PLEKHD1: variants seen among roughly 807,000 people sequenced by gnomAD.
PLEKHD1 encodes the protein pleckstrin homology domain-containing family D member 1.
Under a neutral mutation model 69.2 loss-of-function variants are expected in PLEKHD1, and 51 were observed. The observed-to-expected ratio is 0.74, with a 90% CI of 0.59 to 0.93. The LOEUF (loss-of-function observed/expected upper bound fraction) is 0.93. Ranked by LOEUF, PLEKHD1 falls within the 40% of genes least tolerant of loss-of-function variation. The pLI is 0.00. For synonymous variants in PLEKHD1, 236 were observed against 244.7 expected (o/e 0.96, Z 0.33); for missense variants, 584 against 641.0 (o/e 0.91, Z 0.96).
At chr14:69,488,890 T>C (rs1882711026) in intron 1 of PLEKHD1, among the ~76,000 whole-genome samples, 1 of 152,214 alleles carries the variant, frequency 6.6e-6, no homozygotes, top group Non-Finnish European at 1.5e-5. Flanking sequence ...TCTCCTCAGA[T>C]TCCTCTACCC....
intron 6 of PLEKHD1, among the ~76,000 whole-genome samples, chr14:69,518,959 G>C (rs536426165): frequency 1.3e-5 from 2 of 152,078 alleles, no homozygotes; most frequent in South Asian, 4.2e-4. Context: ...CTCTTATTTT[G>C]GTGACAGGGA....
chr14:69,492,735 A>G (rs1371528026), intron 1 of PLEKHD1, among the ~76,000 whole-genome samples: 1 of 152,188 alleles, frequency 6.6e-6, no homozygotes, highest in Non-Finnish European at 1.5e-5. Context: ...CCTAGCACAA[A>G]GGAGGAGCTT....
chr14:69,470,893 G>C, the PLEKHD1 span, among the ~76,000 whole-genome samples: 1 of 151,554 alleles, frequency 6.6e-6, no homozygotes, highest in African/African-American at 2.4e-5. Flanking sequence ...CCAGGTTCAC[G>C]CCATTCTCCT....
At chr14:69,485,185 C>A in intron 1 of PLEKHD1, 71 bp downstream of exon 1, 1 of 1,477,146 alleles carries the variant, frequency 6.8e-7, no homozygotes, top group Non-Finnish European at 9.1e-7. Context: ...CTCCCACCCC[C>A]TCCAGTCGCC....
intron 7 of PLEKHD1, among the ~76,000 whole-genome samples, chr14:69,522,964 C>T (rs539216179): frequency 5.3e-5 from 8 of 152,038 alleles, no homozygotes; most frequent in Non-Finnish European, 1.0e-4. Flanking sequence ...GACAGAGTCT[C>T]ACTCTGTCAC....
intron 1 of PLEKHD1, among the ~76,000 whole-genome samples, chr14:69,489,701 G>A (rs990099659): frequency 2.6e-5 from 4 of 152,018 alleles, no homozygotes; most frequent in African/African-American, 9.7e-5. Flanking sequence ...GGCCAGCAGT[G>A]TCTCATCTAT....
At chr14:69,489,558 CAAA>C (rs1166429791) in intron 1 of PLEKHD1, among the ~76,000 whole-genome samples, 10 of 59,896 alleles carry the variant, frequency 1.7e-4, no homozygotes, top group African/African-American at 4.3e-4. Context: ...TACTCCATCT[CAAA>C]AAAAAAAAAA....
chr14:69,498,057 A>ATTTTATTTTAT (rs1555337189), intron 1 of PLEKHD1, among the ~76,000 whole-genome samples: 90 of 124,694 alleles, frequency 7.2e-4, no homozygotes, highest in East Asian at 1.8e-3. Flanking sequence ...ATTTTATTTT[A>ATTTTATTTTAT]TTTATTTTAT....
chr14:69,500,611 C>T lies in PLEKHD1; in HGVS notation c.278C>T (p.Pro93Leu), dbSNP rs770956661. ...CCTCTGGGGGGCTGCCTGGTGGAGC[C>T]CAAGGAAGAGCCTAGCATGCCCTAT... ...VIPLGGCLVEPKEEPSMPYAM... is the reference protein window; with the variant it reads ...VIPLGGCLVELKEEPSMPYAM... Residue 93 changes from proline (P) to leucine (L), a missense_variant, in exon 3 of 13, where the codon CCC becomes CTC. Coordinates refer to ENST00000322564, the MANE Select transcript of PLEKHD1 (RefSeq NM_001161498.2). 6.4e-7 allele frequency: 1 copy of T among 1,551,294 alleles called. No individual in the cohort carries two copies. Among genetic ancestry groups the T allele is most frequent in the Non-Finnish European group, 8.7e-7 (1 of 1,146,808 alleles).
At chr14:69,526,501 C>T (rs1266736066) in intron 9 of PLEKHD1, among the ~76,000 whole-genome samples, 196 bp from the exon 10 acceptor site, 2 of 152,208 alleles carry the variant, frequency 1.3e-5, no homozygotes, top group African/African-American at 4.8e-5. Context: ...AGTCTTCTGA[C>T]TCTAAACCTA....
chr14:69,487,026 C>T (rs980411432), intron 1 of PLEKHD1, among the ~76,000 whole-genome samples: 1 of 152,152 alleles, frequency 6.6e-6, no homozygotes, highest in Non-Finnish European at 1.5e-5. Context: ...AAAGTCAAGT[C>T]CTTTAGCCTC....
Position 69,522,372 on chromosome 14 carries a change from C to T in PLEKHD1, c.645C>T (p.Ile215=). The change falls in exon 7 of 13, where the codon ATC becomes ATT. Residue 215 remains isoleucine, a synonymous_variant. Transcript: ENST00000322564. ...VQELRMEQEQ[I]KRELELTARC... ...AGCTGAGAATGGAGCAGGAGCAGAT[C>T]AAGAGGTGGTGGTGGTGCCTGGGAA... 6.4e-7 allele frequency: 1 copy of T among 1,551,412 alleles called. No homozygotes were observed. The highest frequency in any genetic ancestry group is 8.7e-7 in the Non-Finnish European group (1 of 1,146,870).
At chr14:69,526,658 C>T (rs750553203) in intron 9 of PLEKHD1, 39 bp from the exon 10 acceptor site, 205 of 1,451,918 alleles carry the variant, frequency 1.4e-4, no homozygotes, top group African/African-American at 3.7e-4. Flanking sequence ...TCCCATTTGG[C>T]GAGTGAGCAT....
In PLEKHD1 at chr14:69,529,062, A is replaced by G. The variant is rs1015344008; in HGVS notation, c.*643A>G. The G allele has an allele frequency of 1.5e-4, 23 of 152,848 alleles. No individual in the cohort carries two copies. The highest frequency in any genetic ancestry group is 4.6e-4 in the African/African-American group (19 of 41,554). The allele number at this position is 152,848 out of a possible 1,614,324, so 9.5% of individuals were successfully genotyped here. ...ACCCGCCACAGTGCCGCTTTTCCTG[A>G]GCTCAGGCCCTGGCTGTGGGGCCAC... On this transcript the variant is annotated 3_prime_UTR_variant, in exon 13 of 13. Transcript: ENST00000322564.
Position 69,526,601 on chromosome 14 carries a change from G to C in PLEKHD1, c.924-96G>C, listed in dbSNP as rs972760382. 1.1e-5 allele frequency: 15 copies of C among 1,378,502 alleles called. No individual in the cohort carries two copies. In the East Asian group the frequency reaches 3.7e-4, roughly 34 times the overall value. 85.4% of individuals were successfully genotyped at this position (1,378,502 alleles called of 1,614,324 possible). On this transcript the variant is annotated intron_variant, in intron 9 of 12. Coordinates refer to ENST00000322564, the MANE Select transcript of PLEKHD1 (RefSeq NM_001161498.2). ...GGGCTCATAAAGCCTGGGATTCAAG[G>C]TTTCTCCAGCCCAGGTCTCTAAGAG...
At chr14:69,476,356 G>A in the PLEKHD1 span, among the ~76,000 whole-genome samples, 647 of 149,728 alleles carry the variant, frequency 4.3e-3, 3 homozygotes, top group African/African-American at 0.015. Flanking sequence ...GTAGTTCAAC[G>A]CTAGCATGGC....
In PLEKHD1 at chr14:69,528,844, C is replaced by T. The variant is rs76627225; in HGVS notation, c.*425C>T. ...CTCTCTGGGACTCTGCTGCCCTGCC[C>T]GTGGTCCTCATGTAGAAAGGCCTTG... is the stretch of plus-strand genomic sequence containing the variant. On this transcript the variant is annotated 3_prime_UTR_variant, in exon 13 of 13. Coordinates refer to ENST00000322564, the MANE Select transcript of PLEKHD1 (RefSeq NM_001161498.2). The T allele has an allele frequency of 0.027, 4,580 of 170,810 alleles. 121 individuals carry two copies. Among genetic ancestry groups the T allele is most frequent in the African/African-American group, 0.072 (3,039 of 42,098 alleles). 10.6% of individuals were successfully genotyped at this position (170,810 alleles called of 1,614,324 possible). A position where few individuals can be genotyped will look rare whatever the true frequency, so the allele number is the denominator to read the frequency against.
intron 5 of PLEKHD1, 165 bp from the exon 6 acceptor site, chr14:69,502,662 T>C: frequency 1.4e-6 from 1 of 733,482 alleles, no homozygotes; most frequent in Non-Finnish European, 2.2e-6. Flanking sequence ...GGGTGGCAGC[T>C]TCCATCACCA....
intron 3 of PLEKHD1, 32 bp downstream of exon 3, chr14:69,500,698 C>A: frequency 6.5e-7 from 1 of 1,546,920 alleles, no homozygotes; most frequent in Non-Finnish European, 8.7e-7. Flanking sequence ...GCCTGGGCTC[C>A]GCAGGAGCAG....
Sources: allele counts gnomAD v4.1 joint callset (sites outside exome capture counted in the v4.1 genomes callset), GRCh38; gene constraint gnomAD v4.1.1; transcripts MANE v1.5; gene names NCBI Gene and HGNC (gene_info 2026-07-23, HGNC 2026-07-21).